Variants in DMTN observed in about 807,000 individuals in gnomAD.
DMTN encodes the protein dematin.
DMTN carries 27 observed loss-of-function variants against 59.4 expected under a neutral mutation model. The observed-to-expected ratio is 0.45, with a 90% CI of 0.33 to 0.63. DMTN has a LOEUF of 0.63. Among genes scored for constraint, DMTN ranks in the 20% least tolerant of loss-of-function variants. DMTN has a pLI of 0.02. For synonymous variants in DMTN, 221 were observed against 203.7 expected (o/e 1.08, Z -0.72); for missense variants, 451 against 528.9 (o/e 0.85, Z 1.45).
At chr8:22,071,692 G>A (rs535341945) in intron 8 of DMTN, among the ~76,000 whole-genome samples, 1 of 152,120 alleles carries the variant, frequency 6.6e-6, no homozygotes, top group Non-Finnish European at 1.5e-5. Flanking sequence ...CTATTCTCCT[G>A]CCTCAGCCTC....
chr8:22,072,109 C>A (rs1389577747), intron 8 of DMTN, among the ~76,000 whole-genome samples: 1 of 152,100 alleles, frequency 6.6e-6, no homozygotes, highest in Non-Finnish European at 1.5e-5. Flanking sequence ...AGGCTGTTCT[C>A]AAATTCCTGG....
chr8:22,073,653 GAAA>G, intron 9 of DMTN, 74 bp from the exon 10 acceptor site: 3 of 718,510 alleles, frequency 4.2e-6, no homozygotes, highest in Non-Finnish European at 5.8e-6. Context: ...AAAAAAAAAA[GAAA>G]GAAAAAAAAA....
chr8:22,081,881 AG>A lies in DMTN; in HGVS notation c.*419del. The A allele has an allele frequency of 3.0e-6, 1 of 334,564 alleles. No individual in the cohort carries two copies. The highest frequency in any genetic ancestry group is 2.0e-5 in the South Asian group (1 of 49,120). 20.7% of individuals were successfully genotyped at this position (334,564 alleles called of 1,614,324 possible). On this transcript the variant is annotated 3_prime_UTR_variant, in exon 16 of 16. Transcript: ENST00000358242. ...CTCCAGGCTCTTGTGTCGCCCACCC[AG>A]CCCTCCCATACTCACTCCTGACAGC...
rs543877685 is a variant in DMTN, at chr8:22,058,385, G to C, written c.-172+1249G>C. The stretch of plus-strand genomic sequence containing the variant: ...GGCTGCATCTCCCCCAGCTCTGCCA[G>C]TCCCACTTGTACAACAGGACCAGCT... On this transcript the variant is annotated intron_variant, in intron 1 of 15. Transcript: ENST00000358242. This position sits in a 1 kb window ranked among gnomAD's most constrained non-coding sequence, Gnocchi z 4.3. Among the ~76,000 whole-genome samples the C allele has an allele frequency of 8.1e-4, 124 of 152,330 alleles. No homozygotes were observed. The highest frequency in any genetic ancestry group is 2.9e-3 in the African/African-American group (120 of 41,586).
At chr8:22,065,827 C>CTTTTTT (rs76626050) in intron 1 of DMTN, among the ~76,000 whole-genome samples, 5 of 74,592 alleles carry the variant, frequency 6.7e-5, no homozygotes, top group African/African-American at 1.6e-4. Flanking sequence ...AGAGCAAGAC[C>CTTTTTT]TTTTTTTTTT....
chr8:22,072,631 A>ATTTTTTTTTTTTTT, intron 9 of DMTN, among the ~76,000 whole-genome samples, 181 bp downstream of exon 9: 1 of 130,798 alleles, frequency 7.6e-6, no homozygotes, highest in Non-Finnish European at 1.6e-5. Context: ...CGCCCAGCTA[A>ATTTTTTTTTTTTTT]TTTTTTTTTT....
At chr8:22,070,790 G>A (rs958846797) in intron 8 of DMTN, among the ~76,000 whole-genome samples, 1 of 152,226 alleles carries the variant, frequency 6.6e-6, no homozygotes, top group African/African-American at 2.4e-5. Context: ...AATACTGCAC[G>A]TTGTATCCAT....
intron 14 of DMTN, 22 bp downstream of exon 14, chr8:22,080,892 C>G: frequency 6.5e-7 from 1 of 1,546,530 alleles, no homozygotes. Context: ...GGGACACAAG[C>G]GCCTGTAGCG....
chr8:22,069,088 C>G, intron 5 of DMTN, 28 bp downstream of exon 5: 1 of 1,605,474 alleles, frequency 6.2e-7, no homozygotes, highest in Non-Finnish European at 8.5e-7. Context: ...CTGCAACTTG[C>G]CCTGCCCTGC....
At chr8:22,067,747 C>T (rs879196229) in intron 4 of DMTN, 65 bp downstream of exon 4, 5 of 1,563,780 alleles carry the variant, frequency 3.2e-6, no homozygotes, top group South Asian at 2.3e-5. Flanking sequence ...GGGTGGGGAC[C>T]GATCCCTCCC....
At chr8:22,074,455 T>C (rs1345064920) in intron 10 of DMTN, among the ~76,000 whole-genome samples, 1 of 152,206 alleles carries the variant, frequency 6.6e-6, no homozygotes, top group African/African-American at 2.4e-5. Context: ...TAAAATTTTC[T>C]GTAGTGACAA....
chr8:22,061,749 A>ATTTTTTTTTTT (rs1175743497), intron 1 of DMTN, among the ~76,000 whole-genome samples: 2 of 119,718 alleles, frequency 1.7e-5, no homozygotes, highest in African/African-American at 6.9e-5. Flanking sequence ...CTTAATTCTC[A>ATTTTTTTTTTT]TTTTTTTTTT....
intron 1 of DMTN, among the ~76,000 whole-genome samples, chr8:22,061,316 G>A (rs1418113931): frequency 2.0e-5 from 3 of 149,334 alleles, no homozygotes; most frequent in Non-Finnish European, 3.0e-5. Flanking sequence ...AAGAAAGAAA[G>A]AAAAAATGTG....
intron 10 of DMTN, among the ~76,000 whole-genome samples, chr8:22,078,406 T>C (rs957989102): frequency 1.3e-5 from 2 of 149,020 alleles, no homozygotes; most frequent in Non-Finnish European, 3.0e-5. Context: ...CATATATTCA[T>C]ATATATGTAT....
At chr8:22,069,820 C>T (rs1813832419) in intron 6 of DMTN, 61 bp from the exon 7 acceptor site, 1 of 1,579,524 alleles carries the variant, frequency 6.3e-7, no homozygotes, top group Non-Finnish European at 8.7e-7. Flanking sequence ...TCTCCATTCT[C>T]CTGGCCCCAG....
chr8:22,051,431 C>T (rs1376506890), upstream of DMTN, among the ~76,000 whole-genome samples: 7 of 152,198 alleles, frequency 4.6e-5, no homozygotes, highest in South Asian at 2.1e-4. Context: ...GTCCCTCTGA[C>T]GCTGAGACAG....
In DMTN at chr8:22,082,425, A is replaced by T; in HGVS notation, c.*962A>T. 2.8e-6 allele frequency: 1 copy of T among 355,118 alleles called. No homozygotes were observed. The highest frequency in any genetic ancestry group is 5.7e-6 in the Non-Finnish European group (1 of 176,938). 22.0% of individuals were successfully genotyped at this position (355,118 alleles called of 1,614,324 possible). A position where few individuals can be genotyped will look rare whatever the true frequency, so the allele number is the denominator to read the frequency against. On this transcript the variant is annotated 3_prime_UTR_variant, in exon 16 of 16. Coordinates refer to ENST00000358242, the MANE Select transcript of DMTN (RefSeq NM_001387751.1). ...TCTATATTTTTGCCCAGGTCTGGGTATTGCTCCTGCCCAGACCCTGACATC... is the reference window on the plus strand; with the variant it reads ...TCTATATTTTTGCCCAGGTCTGGGTTTTGCTCCTGCCCAGACCCTGACATC...
rs1563468566 is a variant in DMTN at position 22,069,895 on chromosome 8, G to C, written c.409G>C (p.Asp137His). ...HFHHPETSRP[D>H]SNIYKKPPIY... ...TCCTCCCACAGAGACCTCCCGCCCA[G>C]ATTCCAACATCTACAAGAAGCCTCC... Residue 137 changes from aspartate (D) to histidine (H), a missense_variant, in exon 7 of 16, where the codon GAT becomes CAT. Physicochemically the swap from Asp to His is moderately conservative, Grantham distance 81 (BLOSUM62 -1). Coordinates refer to ENST00000358242, the MANE Select transcript of DMTN (RefSeq NM_001387751.1). 6.2e-7 allele frequency: 1 copy of C among 1,614,058 alleles called. No individual in the cohort carries two copies. Among genetic ancestry groups the C allele is most frequent in the East Asian group, 2.2e-5 (1 of 44,878 alleles).
At chr8:22,049,152 C>G (rs1013405344), upstream of DMTN, 2 of 146,994 alleles carry the variant, frequency 1.4e-5, no homozygotes, top group Non-Finnish European at 3.0e-5. Context: ...GAGGGCCCTG[C>G]GGAGCCCGGC....
Sources: gnomAD v4.1 joint callset for allele counts (sites outside exome capture counted in the v4.1 genomes callset) on GRCh38, gnomAD v4.1.1 for gene constraint, Gnocchi (gnomAD v3.1) non-coding constraint, MANE v1.5 for transcripts, NCBI Gene and HGNC (gene_info 2026-07-23, HGNC 2026-07-21) for gene names.